Variants in EFR3A observed in about 807,000 individuals in gnomAD.
EFR3A encodes the protein EFR3 homolog A, also known as protein EFR3 homolog A.
In EFR3A, 76 loss-of-function variants were observed where a neutral mutation model predicts 104.4. The ratio of observed to expected loss-of-function variants is 0.73; its 90% CI spans 0.60 to 0.88. EFR3A has a LOEUF of 0.88. Among genes scored for constraint, EFR3A ranks in the 40% least tolerant of loss-of-function variants. The probability of loss-of-function intolerance (pLI) is 0.00; values close to 1 mark genes in which losing one functional copy is unlikely to be tolerated. For missense variants in EFR3A, 985 were observed against 1,012.5 expected (o/e 0.97, Z 0.37); for synonymous variants, 330 against 330.0 (o/e 1.00, Z 0.00).
chr8:132,009,507 C>G (rs1457143505), intron 22 of EFR3A, among the ~76,000 whole-genome samples: 1 of 152,048 alleles, frequency 6.6e-6, no homozygotes, highest in Non-Finnish European at 1.5e-5. Flanking sequence ...TTGGTACTTA[C>G]ACCAGATTGG....
chr8:131,917,747 A>G (rs959793528), intron 1 of EFR3A, among the ~76,000 whole-genome samples: 4 of 152,214 alleles, frequency 2.6e-5, no homozygotes, highest in African/African-American at 7.2e-5. Flanking sequence ...TTCTTTGTGT[A>G]TAATGCTACA....
chr8:131,904,763 C>A (rs1351912813), intron 1 of EFR3A, among the ~76,000 whole-genome samples: 1 of 152,224 alleles, frequency 6.6e-6, no homozygotes, highest in Non-Finnish European at 1.5e-5. Flanking sequence ...CCAGACAGAC[C>A]CCCGACAGCC....
intron 3 of EFR3A, 133 bp downstream of exon 3, chr8:131,945,005 A>G: frequency 9.5e-7 from 1 of 1,053,770 alleles, no homozygotes; most frequent in East Asian, 2.8e-5. Context: ...GTAATATTAT[A>G]CAAAGAAATA....
chr8:131,962,667 A>G (rs1819438432), intron 8 of EFR3A, among the ~76,000 whole-genome samples: 1 of 152,150 alleles, frequency 6.6e-6, no homozygotes, highest in Non-Finnish European at 1.5e-5. Flanking sequence ...GAAAGTTAAC[A>G]AGGATATACA....
chr8:131,954,829 T>G (rs1339726214), intron 6 of EFR3A, among the ~76,000 whole-genome samples: 1 of 152,000 alleles, frequency 6.6e-6, no homozygotes, highest in Non-Finnish European at 1.5e-5. Flanking sequence ...TTTTAGTGAT[T>G]ATATGTGTAA....
chr8:131,940,495 A>G lies in EFR3A; in HGVS notation c.11-4A>G, dbSNP rs759706041. ...GTATTTCTTGATTTTTTTTTTTTTA[A>G]CAGGAGTATGCTGCTGCTGTTCCGC... On this transcript the variant is annotated splice_polypyrimidine_tract_variant and splice_region_variant and intron_variant, in intron 1 of 22. Transcript: ENST00000254624. The G allele has an allele frequency of 1.3e-6, 2 of 1,579,174 alleles. No homozygotes were observed. Among genetic ancestry groups the G allele is most frequent in the Admixed American group, 3.6e-5 (2 of 55,330 alleles).
At chr8:131,908,043 A>T in intron 1 of EFR3A, among the ~76,000 whole-genome samples, 1 of 151,090 alleles carries the variant, frequency 6.6e-6, no homozygotes, top group Non-Finnish European at 1.5e-5. Flanking sequence ...AGAAAGAGAA[A>T]GCCAGAATTT....
Position 132,008,846 on chromosome 8 carries a change from C to CAAAAAAAAAAAAA in EFR3A, c.2361-1928_2361-1916dup, listed in dbSNP as rs55964352. Among the ~76,000 whole-genome samples the CAAAAAAAAAAAAA allele has an allele frequency of 1.3e-3, 43 of 32,168 alleles. 3 individuals carry two copies. The highest frequency in any genetic ancestry group is 1.8e-3 in the Non-Finnish European group (31 of 16,890). The allele number at this position is 32,168 out of a possible 152,430, so 21.1% of individuals were successfully genotyped here. On this transcript the variant is annotated intron_variant, in intron 22 of 22. Coordinates refer to ENST00000254624, the MANE Select transcript of EFR3A (RefSeq NM_015137.6). ...GGGTGACAAGAGTAAAACTCCATCT[C>CAAAAAAAAAAAAA]AAAAAAAAAAAAAAAAAAAAAAAAA... is the stretch of plus-strand genomic sequence containing the variant.
At chr8:131,963,407 G>A (rs918303518) in intron 8 of EFR3A, among the ~76,000 whole-genome samples, 4 of 152,124 alleles carry the variant, frequency 2.6e-5, no homozygotes, top group Non-Finnish European at 5.9e-5. Flanking sequence ...CGATCCCACA[G>A]AAATACAAAC....
intron 22 of EFR3A, among the ~76,000 whole-genome samples, chr8:132,004,627 T>C (rs1339592588): frequency 6.6e-6 from 1 of 152,212 alleles, no homozygotes; most frequent in Non-Finnish European, 1.5e-5. Flanking sequence ...GGGCATTTAC[T>C]TCTTTGATGA....
intron 13 of EFR3A, 105 bp from the exon 14 acceptor site, chr8:131,979,241 T>A: frequency 9.7e-7 from 1 of 1,029,896 alleles, no homozygotes; most frequent in Non-Finnish European, 1.4e-6. Flanking sequence ...TATCATTACA[T>A]ACAGGCTTAT....
intron 10 of EFR3A, among the ~76,000 whole-genome samples, chr8:131,971,236 A>G (rs1319738429): frequency 2.6e-5 from 4 of 152,260 alleles, no homozygotes; most frequent in Non-Finnish European, 5.9e-5. Context: ...CTTGAATCCA[A>G]GATTCAGTCT....
intron 1 of EFR3A, among the ~76,000 whole-genome samples, chr8:131,907,806 C>T (rs933295878): frequency 6.6e-6 from 1 of 151,392 alleles, no homozygotes; most frequent in Non-Finnish European, 1.5e-5. Context: ...CCTCATTGTC[C>T]CTTTGCTTCC....
At chr8:131,917,168 T>C (rs923254538) in intron 1 of EFR3A, among the ~76,000 whole-genome samples, 1 of 152,264 alleles carries the variant, frequency 6.6e-6, no homozygotes, top group South Asian at 2.1e-4. Context: ...GCAGATGTAA[T>C]GCTTATGCAG....
Position 131,979,394 on chromosome 8 carries a change from C to T in EFR3A, c.1548C>T (p.Cys516=), listed in dbSNP as rs906869424. The T allele has an allele frequency of 2.5e-5, 39 of 1,565,502 alleles. No homozygotes were observed. Among genetic ancestry groups the T allele is most frequent in the Non-Finnish European group, 3.2e-5 (37 of 1,153,638 alleles). Reference sequence around the variant, plus strand: ...TAAAGATAAAAAGAGAAAAAATTTGCAGACAAGACACAAGTTTCATGAAAA... The same window carrying T: ...TAAAGATAAAAAGAGAAAAAATTTGTAGACAAGACACAAGTTTCATGAAAA... ...ADLKIKREKI[C]RQDTSFMKKN... The change falls in exon 14 of 23, where the codon TGC becomes TGT. Residue 516 remains cysteine, a synonymous_variant. Transcript: ENST00000254624.
chr8:131,996,978 T>C (rs1821527440), intron 19 of EFR3A, among the ~76,000 whole-genome samples: 1 of 152,090 alleles, frequency 6.6e-6, no homozygotes, highest in African/African-American at 2.4e-5. Context: ...TTTTAATTAT[T>C]TTGGATAGTA....
chr8:131,958,484 G>C (rs1412934852), intron 7 of EFR3A, among the ~76,000 whole-genome samples: 2 of 152,036 alleles, frequency 1.3e-5, no homozygotes, highest in Non-Finnish European at 2.9e-5. Context: ...CTTTAGAACA[G>C]GTAGCCATGT....
At chr8:131,915,846 G>A (rs1816719128) in intron 1 of EFR3A, among the ~76,000 whole-genome samples, 1 of 152,202 alleles carries the variant, frequency 6.6e-6, no homozygotes, top group African/African-American at 2.4e-5. Context: ...GTGCACACCT[G>A]CGCATGGTAA....
intron 1 of EFR3A, among the ~76,000 whole-genome samples, chr8:131,923,779 A>G (rs1817169340): frequency 6.6e-6 from 1 of 152,070 alleles, no homozygotes; most frequent in Non-Finnish European, 1.5e-5. Flanking sequence ...GCCAGTGCGC[A>G]CTCAGAAGAA....
Sources: gnomAD v4.1 joint callset for allele counts (sites outside exome capture counted in the v4.1 genomes callset) on GRCh38, gnomAD v4.1.1 for gene constraint, MANE v1.5 for transcripts, NCBI Gene and HGNC (gene_info 2026-07-23, HGNC 2026-07-21) for gene names.